The following SNAP91 variants were observed in gnomAD, a reference collection of about 807,000 sequenced individuals.
SNAP91 encodes synaptosome associated protein 91.
A neutral mutation model predicts 100.3 loss-of-function variants in SNAP91; 27 were observed. The observed-to-expected ratio is 0.27, with a 90% CI of 0.20 to 0.37. The LOEUF is 0.37. Ranked by LOEUF, SNAP91 falls within the 10% of genes least tolerant of loss-of-function variation. SNAP91 has a pLI of 1.00. For synonymous variants in SNAP91, 404 were observed against 398.6 expected (o/e 1.01, Z -0.16); for missense variants, 986 against 1,123.7 (o/e 0.88, Z 1.75).
chr6:83,593,693 T>C lies in SNAP91; in HGVS notation c.1481A>G (p.Asp494Gly). 1 of 1,608,274 alleles carries C rather than the reference T, an allele frequency of 6.2e-7. No individual in the cohort carries two copies. Among genetic ancestry groups the C allele is most frequent in the African/African-American group, 1.3e-5 (1 of 74,828 alleles). ...EGSAEAAPEL[D>G]LFAMKPPETS... is the part of the protein sequence containing the mutation. ...CTCAGGTGGCTTCATTGCAAAGAGG[T>C]CCAGCTCAGGTGCAGCCTCTGCACT... Residue 494 changes from aspartate to glycine, a missense_variant, in exon 18 of 30, where the codon GAC becomes GGC. Transcript: ENST00000369694.
At chr6:83,646,196 G>C (rs2097911290) in intron 7 of SNAP91, among the ~76,000 whole-genome samples, 1 of 152,136 alleles carries the variant, frequency 6.6e-6, no homozygotes, top group Non-Finnish European at 1.5e-5. Context: ...TCTTGACACT[G>C]TCTTTCATGG....
rs1381363760 is a variant in SNAP91 at position 83,593,465 on chromosome 6, A to T, written c.1696+13T>A. On this transcript the variant is annotated intron_variant, in intron 18 of 29. Transcript: ENST00000369694. ...TAGACGGAAAGAGGTCGACAACAAT[A>T]ACAAAAAATTACCACCAAAGATATC... is the stretch of plus-strand genomic sequence containing the variant. 6.5e-7 allele frequency: 1 copy of T among 1,548,730 alleles called. No individual in the cohort carries two copies. The highest frequency in any genetic ancestry group is 2.4e-5 in the East Asian group (1 of 40,866).
At chr6:83,671,361 T>C (rs900741420) in intron 2 of SNAP91, among the ~76,000 whole-genome samples, 1 of 152,112 alleles carries the variant, frequency 6.6e-6, no homozygotes, top group Non-Finnish European at 1.5e-5. Flanking sequence ...ATTCTGAAAC[T>C]CTGCTAAACT....
At chr6:83,563,810 G>T (rs1239851645) in intron 26 of SNAP91, among the ~76,000 whole-genome samples, 2 of 152,058 alleles carry the variant, frequency 1.3e-5, no homozygotes, top group Non-Finnish European at 2.9e-5. Flanking sequence ...AGAAGTATGA[G>T]ACTTGAACAC....
chr6:83,701,945 C>T (rs764317024), intron 2 of SNAP91, among the ~76,000 whole-genome samples: 2 of 152,106 alleles, frequency 1.3e-5, no homozygotes, highest in Admixed American at 6.6e-5. Context: ...AAGGAAGAGT[C>T]GTAATTTCTT....
At chr6:83,688,287 T>C (rs1454740855) in intron 2 of SNAP91, among the ~76,000 whole-genome samples, 2 of 152,196 alleles carry the variant, frequency 1.3e-5, no homozygotes, top group African/African-American at 2.4e-5. Flanking sequence ...CAGTGTATAT[T>C]TGTAAAACAT....
intron 2 of SNAP91, among the ~76,000 whole-genome samples, chr6:83,695,131 G>C (rs1304532278): frequency 6.6e-6 from 1 of 151,680 alleles, no homozygotes; most frequent in Non-Finnish European, 1.5e-5. Flanking sequence ...AAAATAATTA[G>C]CTGGGTGTGT....
Position 83,690,519 on chromosome 6 carries a change from G to A in SNAP91, c.130+17279C>T, listed in dbSNP as rs1056427287. On this transcript the variant is annotated intron_variant, in intron 2 of 29. Transcript: ENST00000369694. ...AAAGCAACAGATACATTGAACAAGCGTTTTGTTTGGTTGGTTATATCCATT... is the reference window on the plus strand; with the variant it reads ...AAAGCAACAGATACATTGAACAAGCATTTTGTTTGGTTGGTTATATCCATT... 2.7e-5 allele frequency: 20 copies of A among 750,226 alleles called. 1 individual carries two copies. The highest frequency in any genetic ancestry group is 5.0e-5 in the South Asian group (3 of 60,532). 46.5% of individuals were successfully genotyped at this position (750,226 alleles called of 1,614,324 possible). A position where few individuals can be genotyped will look rare whatever the true frequency, so the allele number is the denominator to read the frequency against.
intron 26 of SNAP91, among the ~76,000 whole-genome samples, chr6:83,572,056 C>G (rs375598684): frequency 5.4e-4 from 82 of 152,226 alleles, no homozygotes; most frequent in African/African-American, 1.7e-3. Flanking sequence ...AGCCATGAGT[C>G]CATTAAACCT....
chr6:83,686,568 G>A (rs914991605), intron 2 of SNAP91, among the ~76,000 whole-genome samples: 2 of 152,302 alleles, frequency 1.3e-5, no homozygotes, highest in South Asian at 4.1e-4. Flanking sequence ...TTGGGCCCAG[G>A]CCACTATATG....
chr6:83,675,260 T>C (rs2098844827), intron 2 of SNAP91, among the ~76,000 whole-genome samples: 1 of 152,220 alleles, frequency 6.6e-6, no homozygotes, highest in South Asian at 2.1e-4. Context: ...ATATCCTTCC[T>C]CAAATAAATG....
intron 26 of SNAP91, among the ~76,000 whole-genome samples, chr6:83,565,575 G>T (rs756539029): frequency 6.6e-6 from 1 of 152,058 alleles, no homozygotes; most frequent in Non-Finnish European, 1.5e-5. Context: ...ATTTGTCTTT[G>T]ATCAGTCCAA....
chr6:83,683,748 T>C (rs896566920), intron 2 of SNAP91, among the ~76,000 whole-genome samples: 10 of 152,230 alleles, frequency 6.6e-5, no homozygotes, highest in African/African-American at 2.2e-4. Flanking sequence ...CTGGATAGTC[T>C]AAGATGGATC....
At chr6:83,637,648 C>A (rs1417385485) in intron 8 of SNAP91, among the ~76,000 whole-genome samples, 2 of 152,126 alleles carry the variant, frequency 1.3e-5, no homozygotes, top group African/African-American at 4.8e-5. Flanking sequence ...CTGCAGGGCT[C>A]CCTGGGAAAG....
At chr6:83,705,356 G>A (rs540132600) in intron 2 of SNAP91, among the ~76,000 whole-genome samples, 43 of 152,108 alleles carry the variant, frequency 2.8e-4, no homozygotes, top group Non-Finnish European at 2.5e-4. Context: ...ATATGTACGC[G>A]GATTTTGATG....
chr6:83,562,798 C>A (rs1007190412), intron 26 of SNAP91, among the ~76,000 whole-genome samples: 1 of 152,174 alleles, frequency 6.6e-6, no homozygotes, highest in Non-Finnish European at 1.5e-5. Context: ...TCCTGGACCC[C>A]AATAAAGGCC....
chr6:83,662,035 A>G (rs1713118530), intron 4 of SNAP91, among the ~76,000 whole-genome samples: 1 of 152,102 alleles, frequency 6.6e-6, no homozygotes, highest in Non-Finnish European at 1.5e-5. Flanking sequence ...TAAGACTCGA[A>G]TCACTTTTTT....
At chr6:83,621,767 T>C (rs542350409) in intron 9 of SNAP91, among the ~76,000 whole-genome samples, 2 of 152,210 alleles carry the variant, frequency 1.3e-5, no homozygotes, top group East Asian at 1.9e-4. Flanking sequence ...CCTATATTCT[T>C]AACTGAGAGC....
chr6:83,569,587 G>A (rs1156674414), intron 26 of SNAP91, among the ~76,000 whole-genome samples: 1 of 152,086 alleles, frequency 6.6e-6, no homozygotes, highest in African/African-American at 2.4e-5. Context: ...TGGGTTAGTG[G>A]CCTCATTATT....
Sources: allele counts gnomAD v4.1 joint callset (sites outside exome capture counted in the v4.1 genomes callset), GRCh38; gene constraint gnomAD v4.1.1; transcripts MANE v1.5; gene names NCBI Gene and HGNC (gene_info 2026-07-23, HGNC 2026-07-21).